Variants in NCAM1 observed in about 807,000 individuals in gnomAD.
NCAM1 encodes the protein antigen recognized by monoclonal antibody 5.1H11.
Under a neutral mutation model 109.8 loss-of-function variants are expected in NCAM1, and 14 were observed. The observed-to-expected ratio is 0.13, with a 90% CI of 0.08 to 0.20. NCAM1 has a LOEUF of 0.20. Among genes scored for constraint, NCAM1 ranks in the 10% least tolerant of loss-of-function variants. The probability of loss-of-function intolerance (pLI) is 1.00; values close to 1 mark genes in which losing one functional copy is unlikely to be tolerated. For synonymous variants in NCAM1, 418 were observed against 442.9 expected, an observed-to-expected ratio of 0.94 and a Z score of 0.70; for missense variants, 774 against 1,109.9, an observed-to-expected ratio of 0.70 and a Z score of 4.30.
intron 1 of NCAM1, among the ~76,000 whole-genome samples, chr11:113,129,387 TG>T (rs1941306482): frequency 6.6e-6 from 1 of 152,214 alleles, no homozygotes; most frequent in Non-Finnish European, 1.5e-5. Flanking sequence ...ACGTCTCCAC[TG>T]GCTACATCTT....
At chr11:113,169,801 A>G (rs1942932811) in intron 1 of NCAM1, among the ~76,000 whole-genome samples, 1 of 151,702 alleles carries the variant, frequency 6.6e-6, no homozygotes, top group Non-Finnish European at 1.5e-5. Context: ...TAATTTTTGT[A>G]CTTTTAGTAA....
chr11:113,241,072 G>T (rs1555119050), intron 14 of NCAM1, among the ~76,000 whole-genome samples: 1 of 152,206 alleles, frequency 6.6e-6, no homozygotes, highest in African/African-American at 2.4e-5. Flanking sequence ...AGAAAACCCT[G>T]CAGGCAGGAT....
At chr11:113,076,765 T>C (rs1382869372) in intron 1 of NCAM1, among the ~76,000 whole-genome samples, 1 of 152,228 alleles carries the variant, frequency 6.6e-6, no homozygotes, top group Non-Finnish European at 1.5e-5. Context: ...CTCAGCTGAA[T>C]AGAAATTGAT....
At chr11:113,258,097 T>A (rs183565024) in intron 16 of NCAM1, among the ~76,000 whole-genome samples, 53 of 152,356 alleles carry the variant, frequency 3.5e-4, no homozygotes, top group African/African-American at 1.2e-3. Flanking sequence ...TAGACCACTG[T>A]CCAGGTGACA....
intron 1 of NCAM1, among the ~76,000 whole-genome samples, chr11:112,981,439 A>T (rs1555068738): frequency 6.6e-6 from 1 of 151,940 alleles, no homozygotes; most frequent in Non-Finnish European, 1.5e-5. Context: ...GCAGTGATTA[A>T]TATGAAAATG....
intron 1 of NCAM1, among the ~76,000 whole-genome samples, chr11:113,136,538 A>G (rs1220553939): frequency 6.6e-6 from 1 of 152,230 alleles, no homozygotes; most frequent in Non-Finnish European, 1.5e-5. Context: ...GGTCAGGAAG[A>G]CGAGGAGGCA....
intron 1 of NCAM1, among the ~76,000 whole-genome samples, chr11:113,114,211 A>G (rs1201500337): frequency 6.6e-6 from 1 of 152,200 alleles, no homozygotes; most frequent in Non-Finnish European, 1.5e-5. Context: ...GCCCCAAACA[A>G]CCCATATAGC....
At chr11:113,078,089 TTC>T (rs1555086467) in intron 1 of NCAM1, among the ~76,000 whole-genome samples, 1 of 152,202 alleles carries the variant, frequency 6.6e-6, no homozygotes, top group Non-Finnish European at 1.5e-5. Context: ...CAGAAATTTA[TTC>T]TCTCCCAGTT....
intron 1 of NCAM1, among the ~76,000 whole-genome samples, chr11:113,099,084 G>T (rs1290423831): frequency 6.6e-6 from 1 of 152,138 alleles, no homozygotes; most frequent in East Asian, 1.9e-4. Context: ...TAGAAGGTAG[G>T]CGCTATTACT....
intron 5 of NCAM1, among the ~76,000 whole-genome samples, 162 bp downstream of exon 5, chr11:113,206,342 T>C (rs1555112874): frequency 6.6e-6 from 1 of 150,838 alleles, no homozygotes; most frequent in Non-Finnish European, 1.5e-5. Context: ...AGATTTCTTT[T>C]TTTTTTTTTT....
intron 1 of NCAM1, among the ~76,000 whole-genome samples, chr11:113,022,612 G>T (rs182326675): frequency 5.1e-4 from 78 of 152,316 alleles, no homozygotes; most frequent in Non-Finnish European, 9.3e-4. Context: ...TGTTAGTTAG[G>T]ATTGGGTTTG....
At chr11:113,221,367 G>T (rs372509118) in intron 9 of NCAM1, 42 bp downstream of exon 9, 1 of 1,554,558 alleles carries the variant, frequency 6.4e-7, no homozygotes. Flanking sequence ...AGTTTTGAAA[G>T]CATTACAGTT....
rs1950602389 is a variant in NCAM1 at position 112,962,669 on chromosome 11, T to G, written c.52+1005T>G. ...GCCGCCGCCCAGAGAACCTCGGCAG[T>G]GTGCAGGGAGGTGCATTTCATTTTG... is the stretch of plus-strand genomic sequence containing the variant. On this transcript the variant is annotated intron_variant, in intron 1 of 19. Transcript: ENST00000316851. The surrounding 1 kb of genome is among the most constrained non-coding windows in gnomAD (Gnocchi z 5.6). Among the ~76,000 whole-genome samples, 1 of 151,514 alleles carries G rather than the reference T, an allele frequency of 6.6e-6. No homozygotes were observed. The highest frequency in any genetic ancestry group is 6.6e-5 in the Admixed American group (1 of 15,226).
intron 1 of NCAM1, among the ~76,000 whole-genome samples, chr11:113,028,772 C>T (rs371226201): frequency 5.3e-5 from 8 of 152,224 alleles, no homozygotes; most frequent in African/African-American, 1.7e-4. Context: ...TTATAAATAT[C>T]GGCTTAAGTA....
intron 1 of NCAM1, among the ~76,000 whole-genome samples, chr11:113,135,069 A>G (rs1339974512): frequency 2.0e-5 from 3 of 152,118 alleles, no homozygotes; most frequent in African/African-American, 7.2e-5. Context: ...TGTTTTCCCA[A>G]AGTTCTCTTG....
chr11:113,152,046 T>C (rs549407136), intron 1 of NCAM1, among the ~76,000 whole-genome samples: 3 of 152,296 alleles, frequency 2.0e-5, no homozygotes, highest in Non-Finnish European at 4.4e-5. Context: ...CATTTAAGTG[T>C]ACATTTGCAG....
intron 1 of NCAM1, among the ~76,000 whole-genome samples, chr11:113,039,077 T>G (rs1228336585): frequency 6.6e-6 from 1 of 152,228 alleles, no homozygotes; most frequent in Non-Finnish European, 1.5e-5. Flanking sequence ...AACTCACTGA[T>G]TTAAAAATAC....
intron 1 of NCAM1, among the ~76,000 whole-genome samples, chr11:113,128,013 A>G (rs955862867): frequency 1.3e-5 from 2 of 152,192 alleles, no homozygotes; most frequent in African/African-American, 4.8e-5. Flanking sequence ...TGGCATGCTC[A>G]CCAGACTGCT....
intron 1 of NCAM1, among the ~76,000 whole-genome samples, chr11:113,010,236 A>G (rs1179555482): frequency 6.6e-6 from 1 of 152,180 alleles, no homozygotes; most frequent in Non-Finnish European, 1.5e-5. Context: ...TTATATATTT[A>G]TTAAAGTAGG....
Sources: gnomAD v4.1 joint callset for allele counts (sites outside exome capture counted in the v4.1 genomes callset) on GRCh38, gnomAD v4.1.1 for gene constraint, Gnocchi (gnomAD v3.1) non-coding constraint, MANE v1.5 for transcripts, NCBI Gene and HGNC (gene_info 2026-07-23, HGNC 2026-07-21) for gene names.